Variants in MYH10 observed in about 807,000 individuals in gnomAD.
MYH10 encodes the protein myosin-10.
A neutral mutation model predicts 257.8 loss-of-function variants in MYH10; 55 were observed. The ratio of observed to expected loss-of-function variants is 0.21; its 90% CI spans 0.17 to 0.27. MYH10 has a LOEUF of 0.27. Ranked by LOEUF, MYH10 falls within the 10% of genes least tolerant of loss-of-function variation. The pLI is 1.00. For missense variants in MYH10, 1,631 were observed against 2,500.6 expected, an observed-to-expected ratio of 0.65 and a Z score of 7.42; for synonymous variants, 854 against 921.7, an observed-to-expected ratio of 0.93 and a Z score of 1.33.
At chr17:8,584,581 G>C (rs2083826197) in intron 4 of MYH10, among the ~76,000 whole-genome samples, 1 of 152,180 alleles carries the variant, frequency 6.6e-6, no homozygotes, top group Non-Finnish European at 1.5e-5. Flanking sequence ...ATAGTGTCTA[G>C]TGTATGGCAT....
At chr17:8,512,306 T>C in intron 24 of MYH10, 145 bp downstream of exon 24, 1 of 630,332 alleles carries the variant, frequency 1.6e-6, no homozygotes, top group Non-Finnish European at 2.8e-6. Context: ...CAAATGATGG[T>C]CATCTTTCTA....
At position 8,546,598 on chromosome 17, in the gene MYH10, A is replaced by G. The variant is rs765651400; in HGVS notation, c.1224T>C (p.Thr408=). The change falls in exon 12 of 43, where the codon ACT becomes ACC. Residue 408 remains threonine, a synonymous_variant. Transcript: ENST00000360416. ...AGTCTCGGCCGACCTTGATCCGGGGAGTCAGGATGGCCCGAGTAAACTCCA... is the reference window on the plus strand; with the variant it reads ...AGTCTCGGCCGACCTTGATCCGGGGGGTCAGGATGGCCCGAGTAAACTCCA... The part of the protein sequence containing the change: ...NVMEFTRAIL[T]PRIKVGRDYV... 32 of 1,613,976 alleles carry G rather than the reference A, an allele frequency of 2.0e-5. No individual in the cohort carries two copies. Among genetic ancestry groups the G allele is most frequent in the Non-Finnish European group, 2.7e-5 (32 of 1,180,004 alleles).
Position 8,513,773 on chromosome 17 carries a change from G to A in MYH10, c.2613+13C>T. The A allele has an allele frequency of 1.2e-6, 2 of 1,613,750 alleles. No individual in the cohort carries two copies. Among genetic ancestry groups the A allele is most frequent in the Non-Finnish European group, 1.7e-6 (2 of 1,179,890 alleles). On this transcript the variant is annotated intron_variant, in intron 22 of 42. Coordinates refer to ENST00000360416, the MANE Select transcript of MYH10 (RefSeq NM_001256012.3). ...ATTTGAAAGGGATCTGGAAAGAAGT[G>A]AGCCAAGCTCACCTTTGTGAAGACT...
chr17:8,495,469 T>A (rs1220734738), intron 30 of MYH10, among the ~76,000 whole-genome samples: 1 of 152,024 alleles, frequency 6.6e-6, no homozygotes, highest in Non-Finnish European at 1.5e-5. Flanking sequence ...TCTCTACCCA[T>A]GAAAAGGACA....
rs1912742185 is a variant in MYH10 at position 8,476,893 on chromosome 17, G to C, written c.5862C>G (p.Thr1954=). The C allele has an allele frequency of 1.2e-6, 2 of 1,610,116 alleles. No homozygotes were observed. The highest frequency in any genetic ancestry group is 4.5e-5 in the East Asian group (2 of 44,862). The change falls in exon 42 of 43, where the codon ACC becomes ACG. Residue 1954 remains threonine (T), a synonymous_variant. Transcript: ENST00000360416. ...CTGCTCACCTCAGCCGGTTCTTCAG[G>C]GTGCTGACCTCGCGGCTCAGGCCCT... is the stretch of plus-strand genomic sequence containing the variant. ...ANEGLSREVS[T]LKNRLRRGGP...
intron 7 of MYH10, among the ~76,000 whole-genome samples, chr17:8,567,868 AT>A (rs2151996857): frequency 6.6e-6 from 1 of 152,354 alleles, no homozygotes; most frequent in Admixed American, 6.5e-5. Context: ...TAACTCTGAG[AT>A]TAAAGGAGAA....
Position 8,487,533 on chromosome 17 carries a change from G to A in MYH10, c.4946C>T (p.Ser1649Leu). ...CAGGTCTATCTCCATCTTTTTCTTT[G>A]AAGCTACAGCAAGCGCCCGCTGTTT... ...ERKQRALAVA[S>L]KKKMEIDLKD... The change falls in exon 36 of 43, where the codon TCA (serine) becomes TTA (leucine). Residue 1649 changes from serine to leucine, a missense_variant. Around this residue, in one of 11 missense-constraint regions of MYH10, gnomAD observed 463 missense variants for 621.8 expected, o/e 0.74. Coordinates refer to ENST00000360416, the MANE Select transcript of MYH10 (RefSeq NM_001256012.3). 6.2e-7 allele frequency: 1 copy of A among 1,614,110 alleles called. No individual in the cohort carries two copies. The highest frequency in any genetic ancestry group is 1.3e-5 in the African/African-American group (1 of 75,026).
In MYH10 at chr17:8,497,217, A is replaced by T. The variant is rs1916769414; in HGVS notation, c.3952-1976T>A. On this transcript the variant is annotated intron_variant, in intron 30 of 42. Coordinates refer to ENST00000360416, the MANE Select transcript of MYH10 (RefSeq NM_001256012.3). ...CTGAGTCCTAGAGTCCTGGAGAATCATGTACTGTAGTGTGGTCTTGGGCCT... is the reference window on the plus strand; with the variant it reads ...CTGAGTCCTAGAGTCCTGGAGAATCTTGTACTGTAGTGTGGTCTTGGGCCT... Among the ~76,000 whole-genome samples the T allele has an allele frequency of 2.0e-5, 3 of 152,174 alleles. No homozygotes were observed. In the South Asian group the frequency reaches 6.2e-4, roughly 31 times the overall value.
intron 2 of MYH10, among the ~76,000 whole-genome samples, chr17:8,609,966 G>A (rs556712669): frequency 1.5e-4 from 22 of 151,448 alleles, no homozygotes; most frequent in African/African-American, 5.1e-4. Context: ...AAAGGAATTC[G>A]CTAAGCTAAC....
chr17:8,492,428 T>C lies in MYH10; in HGVS notation c.4540A>G (p.Thr1514Ala). ...RAEAEAREKE[T>A]KALSLARALE... is the part of the protein sequence containing the mutation. ...GCCCGGGCCAGTGACAGGGCTTTGG[T>C]TTCTTTCTCTCTGGCCTCGGCTTCG... Residue 1514 changes from threonine (T) to alanine (A), a missense_variant, in exon 34 of 43, where the codon ACC becomes GCC. By Grantham distance (58) the Thr-to-Ala change is moderately conservative (BLOSUM62 0). Coordinates refer to ENST00000360416, the MANE Select transcript of MYH10 (RefSeq NM_001256012.3). 1 of 1,613,214 alleles carries C rather than the reference T, an allele frequency of 6.2e-7. No homozygotes were observed. Among genetic ancestry groups the C allele is most frequent in the Non-Finnish European group, 8.5e-7 (1 of 1,180,018 alleles).
intron 13 of MYH10, 66 bp from the exon 14 acceptor site, chr17:8,542,346 A>G: frequency 6.9e-7 from 1 of 1,442,222 alleles, no homozygotes; most frequent in Non-Finnish European, 9.5e-7. Context: ...ATAATTAGTT[A>G]TGTAGTTATA....
At chr17:8,493,701 G>A (rs751264819) in intron 32 of MYH10, 32 bp downstream of exon 32, 1 of 1,588,886 alleles carries the variant, frequency 6.3e-7, no homozygotes, top group East Asian at 2.2e-5. Flanking sequence ...CACACATCGA[G>A]GCCACCGCGG....
intron 4 of MYH10, among the ~76,000 whole-genome samples, chr17:8,586,330 T>G (rs1414072871): frequency 1.3e-5 from 2 of 152,210 alleles, no homozygotes; most frequent in Non-Finnish European, 2.9e-5. Flanking sequence ...GTCAGTTAAC[T>G]TGCAGGTCCC....
At position 8,505,126 on chromosome 17, in the gene MYH10, C is replaced by G. The variant is rs140471741; in HGVS notation, c.3387-220G>C. ...GGCCCCAAAGCTAATGGTGGCAGAG[C>G]CAGAACTAGATTCCAGCCCCAGCCC... is the stretch of plus-strand genomic sequence containing the variant. On this transcript the variant is annotated intron_variant, in intron 27 of 42. Transcript: ENST00000360416. Among the ~76,000 whole-genome samples, 33 of 138,058 alleles carry G rather than the reference C, an allele frequency of 2.4e-4. No homozygotes were observed. In the East Asian group the frequency reaches 7.2e-3, roughly 30 times the overall value. The allele number at this position is 138,058 out of a possible 152,430, so 90.6% of individuals were successfully genotyped here. A position where few individuals can be genotyped will look rare whatever the true frequency, so the allele number is the denominator to read the frequency against.
At chr17:8,583,212 C>T (rs1467228848) in intron 4 of MYH10, among the ~76,000 whole-genome samples, 1 of 152,182 alleles carries the variant, frequency 6.6e-6, no homozygotes, top group Non-Finnish European at 1.5e-5. Flanking sequence ...AAGACATGTT[C>T]ACTTTCCTTG....
Position 8,506,279 on chromosome 17 carries a change from C to A in MYH10, c.3386+39G>T. On this transcript the variant is annotated intron_variant, in intron 27 of 42. Transcript: ENST00000360416. The surrounding 1 kb of genome is among the most constrained non-coding windows in gnomAD (Gnocchi z 5.0). ...TAACAAAGTCTGCTGAAACTCAGCC[C>A]CATGGGCTCCCGTGCAGCGCAGCTG... 1 of 1,531,426 alleles carries A rather than the reference C, an allele frequency of 6.5e-7. No individual in the cohort carries two copies. Among genetic ancestry groups the A allele is most frequent in the Non-Finnish European group, 8.7e-7 (1 of 1,148,600 alleles). 94.9% of individuals were successfully genotyped at this position (1,531,426 alleles called of 1,614,324 possible).
intron 3 of MYH10, among the ~76,000 whole-genome samples, chr17:8,590,423 C>T (rs1360193648): frequency 1.3e-5 from 2 of 152,056 alleles, no homozygotes; most frequent in Non-Finnish European, 2.9e-5. Context: ...AGTAATCCTC[C>T]CACCTCAGCC....
At position 8,490,357 on chromosome 17, in the gene MYH10, G is replaced by A. The variant is rs1453559044; in HGVS notation, c.4867C>T (p.Arg1623Trp). ...TRDEQNEEKK[R>W]LLIKQVRELE... ...TGCCCTACCTGTTTGATCAGCAGCC[G>A]CTTCTTCTCTTCATTCTGCTCATCC... The change falls in exon 35 of 43, where the codon CGG becomes TGG. Residue 1623 changes from arginine to tryptophan, a missense_variant. By Grantham distance (101) the Arg-to-Trp change is moderately radical. This residue lies in a region of MYH10 where 463 missense variants were observed against 621.8 expected (regional missense o/e 0.74). Coordinates refer to ENST00000360416, the MANE Select transcript of MYH10 (RefSeq NM_001256012.3). The surrounding 1 kb of genome is among the most constrained non-coding windows in gnomAD (Gnocchi z 4.1). The A allele has an allele frequency of 3.7e-6, 6 of 1,613,800 alleles. No homozygotes were observed. Among genetic ancestry groups the A allele is most frequent in the Non-Finnish European group, 5.1e-6 (6 of 1,180,002 alleles).
In MYH10 at chr17:8,487,484, C is replaced by G. The variant is rs761805974; in HGVS notation, c.4995G>C (p.Glu1665Asp). The G allele has an allele frequency of 6.2e-7, 1 of 1,614,114 alleles. No individual in the cohort carries two copies. Among genetic ancestry groups the G allele is most frequent in the Non-Finnish European group, 8.5e-7 (1 of 1,180,054 alleles). ...IDLKDLEAQIEAANKARDEVI... is the reference protein window; with the variant it reads ...IDLKDLEAQIDAANKARDEVI... ...CCTCATCCCGAGCTTTGTTCGCAGC[C>G]TCGATTTGGGCTTCGAGGTCCTTCA... The change falls in exon 36 of 43, where the codon GAG becomes GAC. Residue 1665 changes from glutamate to aspartate, a missense_variant. This residue lies in a region of MYH10 where 463 missense variants were observed against 621.8 expected (regional missense o/e 0.74). Coordinates refer to ENST00000360416, the MANE Select transcript of MYH10 (RefSeq NM_001256012.3).
Sources: allele counts gnomAD v4.1 joint callset (sites outside exome capture counted in the v4.1 genomes callset), GRCh38; gene constraint gnomAD v4.1.1; regional missense constraint gnomAD v4.1.1; non-coding constraint Gnocchi (gnomAD v3.1); transcripts MANE v1.5; gene names NCBI Gene and HGNC (gene_info 2026-07-23, HGNC 2026-07-21).